Variants in KCNC4 observed in about 807,000 individuals in gnomAD.
KCNC4 encodes the protein voltage-gated potassium channel KCNC4.
In KCNC4, 23 loss-of-function variants were observed where a neutral mutation model predicts 42.8. The ratio of observed to expected loss-of-function variants is 0.54; its 90% CI spans 0.39 to 0.76. KCNC4 has a LOEUF of 0.76. KCNC4 is among the 30% of genes least tolerant of loss of function. The pLI is 0.00. For synonymous variants in KCNC4, 422 were observed against 393.5 expected (o/e 1.07, Z -0.86); for missense variants, 751 against 898.2 (o/e 0.84, Z 2.10).
At chr1:110,246,966 A>G (rs1172772725) in exon 4 of KCNC4, 5 of 151,414 alleles carry the variant, frequency 3.3e-5, no homozygotes, top group African/African-American at 1.2e-4. Context: ...TCCACTCTCT[A>G]CATCCATGTG....
rs1396505343 is a variant in KCNC4 at position 110,268,623 on chromosome 1, A to AG, written n.31-13911_31-13910insG. ...ACTGTCTCAAAAGAAAAAAAAAAAA[A>AG]AAAAGAAAAGAAAAGAAAAAAAAAG... On this transcript the variant is annotated intron_variant and non_coding_transcript_variant, in intron 1 of 2. Coordinates refer to the KCNC4 transcript ENST00000412512. 4.7e-5 allele frequency among the ~76,000 whole-genome samples: 7 copies of AG among 148,724 alleles called. No homozygotes were observed. In the East Asian group the frequency reaches 5.8e-4, roughly 12 times the overall value.
chr1:110,265,527 C>T (rs1459444103), intron 1 of KCNC4, among the ~76,000 whole-genome samples: 5 of 152,154 alleles, frequency 3.3e-5, no homozygotes, highest in Non-Finnish European at 7.3e-5. Context: ...CATCCAGGCC[C>T]CTGTTCCCAG....
chr1:110,251,571 G>A (rs1373467812), downstream of KCNC4, among the ~76,000 whole-genome samples: 5 of 152,276 alleles, frequency 3.3e-5, no homozygotes, highest in East Asian at 7.7e-4. Context: ...TTAGCAGCTT[G>A]GGAACAGACT....
At chr1:110,254,101 C>CG (rs1491044235), downstream of KCNC4, among the ~76,000 whole-genome samples, 5 of 115,416 alleles carry the variant, frequency 4.3e-5, no homozygotes, top group Non-Finnish European at 7.4e-5. Context: ...GGGGGGGGGG[C>CG]GGCGTTTCTG....
At chr1:110,281,684 G>T (rs1659831313) in intron 1 of KCNC4, among the ~76,000 whole-genome samples, 1 of 151,980 alleles carries the variant, frequency 6.6e-6, no homozygotes, top group Non-Finnish European at 1.5e-5. Flanking sequence ...CTAGGCCTCA[G>T]TTTGCTCATC....
chr1:110,222,984 C>T lies in KCNC4; in HGVS notation c.699C>T (p.Leu233=), dbSNP rs775729064. 3 of 1,613,724 alleles carry T rather than the reference C, an allele frequency of 1.9e-6. No individual in the cohort carries two copies. The highest frequency in any genetic ancestry group is 1.7e-6 in the Non-Finnish European group (2 of 1,179,638). Residue 233 remains leucine, a synonymous_variant, in exon 2 of 4, where the codon CTC becomes CTT. Transcript: ENST00000438661. ...RAARVVAFAS[L]FFILVSITTF... The stretch of plus-strand genomic sequence containing the variant: ...CATAGGTAGTGGCCTTTGCCTCTCT[C>T]TTCTTCATCCTGGTCTCCATCACCA...
chr1:110,275,888 G>A (rs1391565366), intron 1 of KCNC4, among the ~76,000 whole-genome samples: 1 of 147,922 alleles, frequency 6.8e-6, no homozygotes, highest in Non-Finnish European at 1.5e-5. Context: ...GACCCGGGAG[G>A]TGGAGGTTGC....
At chr1:110,250,310 G>A (rs1306501968), downstream of KCNC4, among the ~76,000 whole-genome samples, 1 of 152,126 alleles carries the variant, frequency 6.6e-6, no homozygotes, top group Non-Finnish European at 1.5e-5. Flanking sequence ...CCATCTGGTA[G>A]GCCACCCTGT....
chr1:110,232,875 G>A (rs370078788), intron 3 of KCNC4, 36 bp from the exon 4 acceptor site: 177 of 1,595,902 alleles, frequency 1.1e-4, no homozygotes, highest in African/African-American at 5.8e-4. Context: ...GAAAGCGTGC[G>A]TCCCAGTGTC....
At position 110,212,050 on chromosome 1, in the gene KCNC4, TG is replaced by T; in HGVS notation, c.553del (p.Ala185ProfsTer43). The T allele has an allele frequency of 6.3e-7, 1 of 1,575,164 alleles. No individual in the cohort carries two copies. The highest frequency in any genetic ancestry group is 8.6e-7 in the Non-Finnish European group (1 of 1,163,030). On this transcript the variant is annotated frameshift_variant, in exon 1 of 4. Transcript: ENST00000438661. LOFTEE classifies it high-confidence loss of function. ...GAGGCCGGCGACGATGAGCGGGAGC[TG>T]GCCCTGCAGCGACTGGGCCCCCACG... The part of the protein sequence containing the change: ...SDEAGDDERE[L>X]ALQRLGPHEG...
intron 3 of KCNC4, among the ~76,000 whole-genome samples, chr1:110,229,361 A>G (rs1435824840): frequency 6.6e-6 from 1 of 152,132 alleles, no homozygotes; most frequent in Non-Finnish European, 1.5e-5. Flanking sequence ...GGCTTGGTGC[A>G]GGCCGTGGGC....
chr1:110,222,936 G>GC (rs1320363010), intron 1 of KCNC4, 28 bp from the exon 2 acceptor site: 21 of 1,563,258 alleles, frequency 1.3e-5, no homozygotes, highest in Middle Eastern at 1.7e-4. Flanking sequence ...TCTGACAGCT[G>GC]CCCCCTGCTC....
chr1:110,260,005 C>G (rs990416257), intron 1 of KCNC4, among the ~76,000 whole-genome samples: 1 of 152,190 alleles, frequency 6.6e-6, no homozygotes, highest in Non-Finnish European at 1.5e-5. Context: ...AGCAGAACGC[C>G]CAGCAGGCCT....
At chr1:110,230,693 GCTCCCACACATCCCTCC>G (rs1479369903) in intron 3 of KCNC4, among the ~76,000 whole-genome samples, 2 of 152,228 alleles carry the variant, frequency 1.3e-5, no homozygotes, top group African/African-American at 4.8e-5. Context: ...CGGGGAGCTG[GCTCCCACACATCCCTCC>G]TGGCTCTCTG....
At chr1:110,278,305 T>A (rs1659760871) in intron 1 of KCNC4, among the ~76,000 whole-genome samples, 1 of 152,132 alleles carries the variant, frequency 6.6e-6, no homozygotes, top group African/African-American at 2.4e-5. Flanking sequence ...TAGATTGAGA[T>A]GATATGAGTC....
chr1:110,255,188 G>A lies in KCNC4; in HGVS notation n.31-27346G>A, dbSNP rs529215664. ...GAGCAGAGTAGGTGCTTAATAGATG[G>A]TTGGCAAATGAGCAAATGCCTAGAT... is the stretch of plus-strand genomic sequence containing the variant. On this transcript the variant is annotated intron_variant and non_coding_transcript_variant, in intron 1 of 2. Coordinates refer to the KCNC4 transcript ENST00000412512. Among the ~76,000 whole-genome samples the A allele has an allele frequency of 7.2e-5, 11 of 152,326 alleles. No individual in the cohort carries two copies. In the South Asian group the frequency reaches 2.3e-3, roughly 32 times the overall value.
downstream of KCNC4, chr1:110,235,321 G>A (rs1658879922): frequency 6.6e-6 from 1 of 152,214 alleles, no homozygotes; most frequent in South Asian, 2.1e-4. Flanking sequence ...AGGGCAAACA[G>A]TGGCTGTGGC....
intron 1 of KCNC4, among the ~76,000 whole-genome samples, chr1:110,255,845 C>T (rs1659320325): frequency 1.3e-5 from 2 of 152,212 alleles, no homozygotes; most frequent in Non-Finnish European, 2.9e-5. Flanking sequence ...GAACTTCATT[C>T]AGGGAGGGGT....
chr1:110,226,145 G>T lies in KCNC4; in HGVS notation c.1786G>T (p.Asp596Tyr). 1 of 1,614,150 alleles carries T rather than the reference G, an allele frequency of 6.2e-7. No individual in the cohort carries two copies. Among genetic ancestry groups the T allele is most frequent in the Non-Finnish European group, 8.5e-7 (1 of 1,180,028 alleles). Residue 596 changes from aspartate (D) to tyrosine (Y), a missense_variant, in exon 3 of 4, where the codon GAC becomes TAC. Coordinates refer to ENST00000438661, the MANE Select transcript of KCNC4 (RefSeq NM_001039574.3). Reference protein sequence around the residue: ...AAACFLLSTGDYACADGSVRK... With the variant: ...AAACFLLSTGYYACADGSVRK... ...TGCCTGCTTCCTGCTCAGCACTGGGGACTATGCCTGCGCCGATGGTAGTGT... is the reference window on the plus strand; with the variant it reads ...TGCCTGCTTCCTGCTCAGCACTGGGTACTATGCCTGCGCCGATGGTAGTGT...
Sources: gnomAD v4.1 joint callset for allele counts (sites outside exome capture counted in the v4.1 genomes callset) on GRCh38, gnomAD v4.1.1 for gene constraint, MANE v1.5 for transcripts, NCBI Gene and HGNC (gene_info 2026-07-23, HGNC 2026-07-21) for gene names.